Variants in ASPRV1 observed in about 807,000 individuals in gnomAD.
ASPRV1 encodes the protein retroviral-like aspartic protease 1.
ASPRV1 carries 7 observed loss-of-function variants against 11.0 expected under a neutral mutation model. That is an observed-to-expected ratio of 0.64 (90% CI 0.36 to 1.20). The LOEUF is 1.20. Ranked by LOEUF, ASPRV1 falls within the 50% of genes most tolerant of loss-of-function variation. The probability of loss-of-function intolerance (pLI) is 0.02; values close to 1 mark genes in which losing one functional copy is unlikely to be tolerated. For synonymous variants in ASPRV1, 136 were observed against 138.4 expected (o/e 0.98, Z 0.12); for missense variants, 299 against 320.0 (o/e 0.93, Z 0.50).
chr2:70,065,013 T>C, the ASPRV1 span, among the ~76,000 whole-genome samples: 1 of 152,048 alleles, frequency 6.6e-6, no homozygotes, highest in Non-Finnish European at 1.5e-5. Context: ...AAGAATCGCT[T>C]GAACCCAGGA....
At chr2:69,990,823 G>T in the ASPRV1 span, among the ~76,000 whole-genome samples, 1 of 152,124 alleles carries the variant, frequency 6.6e-6, no homozygotes, top group African/African-American at 2.4e-5. Context: ...CCTCATCCAT[G>T]GTAATCATCA....
the ASPRV1 span, among the ~76,000 whole-genome samples, chr2:70,008,675 G>A: frequency 6.6e-6 from 1 of 151,684 alleles, no homozygotes; most frequent in Non-Finnish European, 1.5e-5. Context: ...TTGTGTTAGT[G>A]TATTTTAGGT....
chr2:70,084,318 T>A, the ASPRV1 span, among the ~76,000 whole-genome samples: 1 of 152,254 alleles, frequency 6.6e-6, no homozygotes, highest in African/African-American at 2.4e-5. Context: ...TGTTGTCACC[T>A]GAGTTTCTAA....
the ASPRV1 span, among the ~76,000 whole-genome samples, chr2:70,035,425 T>C: frequency 0.15 from 23,065 of 151,766 alleles, 2,722 homozygotes; most frequent in East Asian, 0.3. Flanking sequence ...CCAGCAAAAC[T>C]ACAGTGTGAG....
chr2:69,984,582 A>C, the ASPRV1 span, among the ~76,000 whole-genome samples: 1 of 151,616 alleles, frequency 6.6e-6, no homozygotes, highest in Non-Finnish European at 1.5e-5. Flanking sequence ...CCACACTTAA[A>C]AGAGATAGAA....
the ASPRV1 span, among the ~76,000 whole-genome samples, chr2:69,933,420 T>C: frequency 1.3e-5 from 2 of 152,130 alleles, no homozygotes; most frequent in Non-Finnish European, 2.9e-5. Flanking sequence ...CCACATGCAG[T>C]AGTGGGAGGA....
the ASPRV1 span, among the ~76,000 whole-genome samples, chr2:70,084,074 G>A: frequency 6.6e-6 from 1 of 152,152 alleles, no homozygotes; most frequent in South Asian, 2.1e-4. Flanking sequence ...AGACTCTCGG[G>A]GAAGGAGGGA....
At chr2:69,979,257 T>C in the ASPRV1 span, among the ~76,000 whole-genome samples, 1 of 152,226 alleles carries the variant, frequency 6.6e-6, no homozygotes, top group African/African-American at 2.4e-5. Flanking sequence ...ATGGTCTCAA[T>C]CTCCTGACCT....
At chr2:69,962,181 C>CT (rs772230027), upstream of ASPRV1, 2 of 156,848 alleles carry the variant, frequency 1.3e-5, no homozygotes, top group African/African-American at 2.8e-5. Context: ...CAGAAATGGT[C>CT]TTTTTTAAGT....
chr2:70,022,945 T>C, the ASPRV1 span, among the ~76,000 whole-genome samples: 6 of 152,178 alleles, frequency 3.9e-5, no homozygotes, highest in African/African-American at 1.4e-4. Flanking sequence ...CATTTCTGCC[T>C]CCTGGTTTTT....
the ASPRV1 span, among the ~76,000 whole-genome samples, chr2:70,026,804 T>G: frequency 6.6e-6 from 1 of 152,032 alleles, no homozygotes; most frequent in African/African-American, 2.4e-5. Context: ...CAATGCAATC[T>G]CTACCAAAAT....
the ASPRV1 span, among the ~76,000 whole-genome samples, chr2:70,010,340 G>C: frequency 6.6e-6 from 1 of 152,056 alleles, no homozygotes; most frequent in Non-Finnish European, 1.5e-5. Flanking sequence ...GGGCCAGGAA[G>C]GTCTCCTGAA....
At chr2:70,000,788 CAAAAAA>C in the ASPRV1 span, among the ~76,000 whole-genome samples, 170 of 41,990 alleles carry the variant, frequency 4.0e-3, no homozygotes, top group South Asian at 5.4e-3. Context: ...GACCCTGCCT[CAAAAAA>C]AAAAAAAAAA....
chr2:69,962,228 A>G (rs747834037), upstream of ASPRV1: 15 of 149,258 alleles, frequency 1.0e-4, no homozygotes, highest in Admixed American at 2.2e-4. Context: ...ACACACACAC[A>G]CACGTGCACA....
At chr2:69,969,183 A>G in the ASPRV1 span, among the ~76,000 whole-genome samples, 1 of 152,154 alleles carries the variant, frequency 6.6e-6, no homozygotes, top group Non-Finnish European at 1.5e-5. Flanking sequence ...CCTCTTGCCA[A>G]GCCTATGTGC....
chr2:69,945,403 G>A, the ASPRV1 span, among the ~76,000 whole-genome samples: 1,395 of 152,336 alleles, frequency 9.2e-3, 26 homozygotes, highest in African/African-American at 0.032. Flanking sequence ...GTATTGTTCA[G>A]GGCTCAGCCC....
chr2:70,033,276 AACACACACACACACACAC>A, the ASPRV1 span, among the ~76,000 whole-genome samples: 68 of 141,610 alleles, frequency 4.8e-4, 1 homozygote, highest in South Asian at 0.013. Context: ...TCAAACAGAA[AACACACACACACACACAC>A]ACACACACAC....
chr2:70,027,318 C>A, the ASPRV1 span, among the ~76,000 whole-genome samples: 10 of 148,188 alleles, frequency 6.7e-5, no homozygotes, highest in African/African-American at 2.5e-4. Context: ...GTTAGTATAG[C>A]CACTGTGGAA....
chr2:70,083,773 C>T, the ASPRV1 span: 1 of 152,200 alleles, frequency 6.6e-6, no homozygotes, highest in Non-Finnish European at 1.5e-5. Flanking sequence ...TAACCAAAGT[C>T]ATCAAATATC....
Sources: gnomAD v4.1 joint callset for allele counts (sites outside exome capture counted in the v4.1 genomes callset) on GRCh38, gnomAD v4.1.1 for gene constraint, MANE v1.5 for transcripts, NCBI Gene and HGNC (gene_info 2026-07-23, HGNC 2026-07-21) for gene names.